The following TRIM16 variants were observed in gnomAD, a reference collection of about 807,000 sequenced individuals.
TRIM16 encodes tripartite motif containing 16.
Under a neutral mutation model 50.4 loss-of-function variants are expected in TRIM16, and 33 were observed. The observed-to-expected ratio is 0.65, with a 90% CI of 0.50 to 0.88. TRIM16 has a LOEUF of 0.88. Among genes scored for constraint, TRIM16 ranks in the 40% least tolerant of loss-of-function variants. The pLI is 0.00. For synonymous variants in TRIM16, 229 were observed against 270.7 expected (o/e 0.85, Z 1.51); for missense variants, 581 against 686.8 (o/e 0.85, Z 1.72).
intron 6 of TRIM16, among the ~76,000 whole-genome samples, chr17:15,661,087 G>C (rs1988216853): frequency 6.6e-6 from 1 of 152,126 alleles, no homozygotes; most frequent in Non-Finnish European, 1.5e-5. Context: ...AGTTAGAAGT[G>C]TCAAGTGGTC....
chr17:15,659,737 T>C (rs7223186), intron 6 of TRIM16, among the ~76,000 whole-genome samples: 2,800 of 152,262 alleles, frequency 0.018, 75 homozygotes, highest in African/African-American at 0.064. Flanking sequence ...CCAGGCCGGC[T>C]CCCCTGAGGC....
At chr17:15,677,368 G>A in intron 5 of TRIM16, 88 bp from the exon 6 acceptor site, 3 of 939,118 alleles carry the variant, frequency 3.2e-6, no homozygotes, top group Non-Finnish European at 3.8e-6. Context: ...ATTTTAGAGA[G>A]GAGAAAACGA....
At chr17:15,676,570 G>A (rs1988957899) in intron 6 of TRIM16, among the ~76,000 whole-genome samples, 1 of 151,454 alleles carries the variant, frequency 6.6e-6, no homozygotes, top group African/African-American at 2.4e-5. Context: ...CAAGTAGCTG[G>A]GACTACAGGT....
At position 15,628,291 on chromosome 17, in the gene TRIM16, C is replaced by A; in HGVS notation, c.*324G>T. 1 of 217,170 alleles carries A rather than the reference C, an allele frequency of 4.6e-6. No homozygotes were observed. Among genetic ancestry groups the A allele is most frequent in the South Asian group, 1.3e-4 (1 of 7,636 alleles). The allele number at this position is 217,170 out of a possible 1,614,324, so 13.5% of individuals were successfully genotyped here. On this transcript the variant is annotated 3_prime_UTR_variant, in exon 12 of 12. Transcript: ENST00000649191. ...GGGTGTGGTGGCAGGCACCTGTAATCCCAGCTACTCGGGAGGCTGAGGCAG... is the reference window on the plus strand; with the variant it reads ...GGGTGTGGTGGCAGGCACCTGTAATACCAGCTACTCGGGAGGCTGAGGCAG...
intron 6 of TRIM16, among the ~76,000 whole-genome samples, chr17:15,668,555 T>C (rs671150): frequency 0.78 from 119,250 of 152,084 alleles, 47,276 homozygotes; most frequent in African/African-American, 0.9. Flanking sequence ...ATTCCCCCTC[T>C]TCCTCAGGCC....
intron 6 of TRIM16, among the ~76,000 whole-genome samples, chr17:15,665,310 C>T (rs8068614): frequency 0.35 from 51,773 of 149,468 alleles, 9,576 homozygotes; most frequent in Non-Finnish European, 0.45. Context: ...CAGATCGAGA[C>T]CATCCTGGCT....
intron 6 of TRIM16, chr17:15,658,968 A>G: frequency 1.4e-6 from 1 of 715,196 alleles, no homozygotes; most frequent in Non-Finnish European, 1.7e-6. Flanking sequence ...AGCAGATTAC[A>G]GACACTAAGG....
At chr17:15,671,416 C>T (rs1208158232) in intron 6 of TRIM16, among the ~76,000 whole-genome samples, 1 of 149,506 alleles carries the variant, frequency 6.7e-6, no homozygotes, top group Non-Finnish European at 1.5e-5. Context: ...TATCTTGGTG[C>T]ATATGGGTGA....
intron 6 of TRIM16, chr17:15,654,228 T>C: frequency 6.6e-6 from 1 of 152,318 alleles, no homozygotes. Flanking sequence ...CTTTACAAAT[T>C]CATTCCAGAC....
chr17:15,631,582 T>C (rs1299732437), intron 11 of TRIM16, 37 bp downstream of exon 11: 4 of 1,611,926 alleles, frequency 2.5e-6, no homozygotes, highest in African/African-American at 2.7e-5. Flanking sequence ...TGCACTGATA[T>C]CAACAACTGG....
rs1431942687 is a variant in TRIM16 at position 15,678,621 on chromosome 17, A to G, written c.-589-900T>C. Among the ~76,000 whole-genome samples, 11 of 152,354 alleles carry G rather than the reference A, an allele frequency of 7.2e-5. 1 individual carries two copies. Among genetic ancestry groups the G allele is most frequent in the Admixed American group, 1.3e-4 (2 of 15,306 alleles). ...AGGTAGCTCAGGTCCCTGAATGGCC[A>G]TCCTATCAATCTATATACCCACTCA... is the stretch of plus-strand genomic sequence containing the variant. On this transcript the variant is annotated intron_variant, in intron 4 of 11. Transcript: ENST00000649191.
chr17:15,638,381 G>C (rs1406842198), intron 8 of TRIM16, among the ~76,000 whole-genome samples: 2 of 148,702 alleles, frequency 1.3e-5, no homozygotes, highest in African/African-American at 5.0e-5. Flanking sequence ...GACCATCCTG[G>C]CTAACATGGT....
At chr17:15,670,829 C>T (rs1364381376) in intron 6 of TRIM16, among the ~76,000 whole-genome samples, 1 of 152,262 alleles carries the variant, frequency 6.6e-6, no homozygotes, top group Non-Finnish European at 1.5e-5. Context: ...GCCATGACTT[C>T]ACTATACAGT....
chr17:15,639,450 G>C (rs1388438523), intron 8 of TRIM16, among the ~76,000 whole-genome samples: 1 of 148,306 alleles, frequency 6.7e-6, no homozygotes, highest in Non-Finnish European at 1.5e-5. Context: ...TGTGGTAACA[G>C]GATTAAGGAA....
intron 7 of TRIM16, 198 bp from the exon 8 acceptor site, chr17:15,643,014 G>T (rs1318174771): frequency 3.0e-5 from 20 of 672,762 alleles, no homozygotes; most frequent in Non-Finnish European, 3.8e-5. Context: ...GTCAGCATGA[G>T]TCAGCGAAAA....
chr17:15,644,049 T>C (rs1315990159), intron 7 of TRIM16, among the ~76,000 whole-genome samples: 3 of 152,218 alleles, frequency 2.0e-5, no homozygotes, highest in East Asian at 3.9e-4. Context: ...TACTTGGAGA[T>C]GGAAGAGATG....
rs772626374 is a variant in TRIM16 at position 15,629,153 on chromosome 17, A to T, written c.1157T>A (p.Leu386His). ...TFDPDTAHKY[L>H]RLQEENRKVT... The stretch of plus-strand genomic sequence containing the variant: ...CTTGCGGTTCTCCTCCTGCAGCCGG[A>T]GATACTTGTGTGCTGTGTCCGGGTC... Residue 386 changes from leucine to histidine, a missense_variant, in exon 12 of 12, where the codon CTC (leucine) becomes CAC (histidine). By Grantham distance (99) the Leu-to-His change is moderately conservative (BLOSUM62 -3). Around this residue, in one of 3 missense-constraint regions of TRIM16, gnomAD observed 450 missense variants for 544.3 expected, o/e 0.83. Transcript: ENST00000649191. 20 of 1,612,554 alleles carry T rather than the reference A, an allele frequency of 1.2e-5. No individual in the cohort carries two copies. The highest frequency in any genetic ancestry group is 1.6e-5 in the Non-Finnish European group (19 of 1,179,168).
intron 4 of TRIM16, among the ~76,000 whole-genome samples, chr17:15,678,212 G>A (rs949021443): frequency 1.3e-5 from 2 of 149,514 alleles, no homozygotes; most frequent in African/African-American, 5.0e-5. Context: ...GAACGAGACT[G>A]TGTCTCAAAA....
chr17:15,649,110 A>G (rs1273322174), intron 7 of TRIM16, among the ~76,000 whole-genome samples: 1 of 152,182 alleles, frequency 6.6e-6, no homozygotes, highest in African/African-American at 2.4e-5. Flanking sequence ...CTAATACATT[A>G]GGTGCCCTGT....
Sources: allele counts gnomAD v4.1 joint callset (sites outside exome capture counted in the v4.1 genomes callset), GRCh38; gene constraint gnomAD v4.1.1; regional missense constraint gnomAD v4.1.1; transcripts MANE v1.5; gene names NCBI Gene and HGNC (gene_info 2026-07-23, HGNC 2026-07-21).